CDH7: variants seen among roughly 807,000 people sequenced by gnomAD.
CDH7 encodes the protein cadherin-7.
Under a neutral mutation model 71.8 loss-of-function variants are expected in CDH7, and 25 were observed. The observed-to-expected ratio is 0.35, with a 90% confidence interval of 0.25 to 0.49. The LOEUF (loss-of-function observed/expected upper bound fraction) is 0.49, where lower values mean the gene tolerates loss of function less well. Among genes scored for constraint, CDH7 ranks in the 20% least tolerant of loss-of-function variants. CDH7 has a pLI of 0.99. For synonymous variants in CDH7, 381 were observed against 363.8 expected (o/e 1.05, Z -0.54); for missense variants, 862 against 974.6 (o/e 0.88, Z 1.54).
chr18:65,839,741 G>T (rs181347064), intron 6 of CDH7, among the ~76,000 whole-genome samples: 1 of 152,174 alleles, frequency 6.6e-6, no homozygotes, highest in Non-Finnish European at 1.5e-5. Flanking sequence ...AGTTGTGTGA[G>T]AAAGAAATGC....
intron 4 of CDH7, among the ~76,000 whole-genome samples, chr18:65,819,277 T>C (rs562239804): frequency 6.6e-6 from 1 of 152,166 alleles, no homozygotes; most frequent in African/African-American, 2.4e-5. Flanking sequence ...GTAATTGAAA[T>C]TGGGTTTACG....
In CDH7 at chr18:65,883,525, G is replaced by A. The variant is rs941477658; in HGVS notation, c.*2631G>A. On this transcript the variant is annotated 3_prime_UTR_variant, in exon 12 of 12. Coordinates refer to ENST00000397968, the MANE Select transcript of CDH7 (RefSeq NM_004361.5). Reference sequence around the variant, plus strand: ...GATTTAAATAAATATATATTATCAAGTTGCTTAAATTCAGTATTATACTGA... The same window carrying A: ...GATTTAAATAAATATATATTATCAAATTGCTTAAATTCAGTATTATACTGA... 6.6e-6 allele frequency: 1 copy of A among 151,984 alleles called. No homozygotes were observed. Among genetic ancestry groups the A allele is most frequent in the African/African-American group, 2.4e-5 (1 of 41,442 alleles). 9.4% of individuals were successfully genotyped at this position (151,984 alleles called of 1,614,324 possible). A position where few individuals can be genotyped will look rare whatever the true frequency, so the allele number is the denominator to read the frequency against.
Position 65,781,767 on chromosome 18 carries a change from TTTCCTTCC to T in CDH7, c.210+18763_210+18770del, listed in dbSNP as rs1189209857. Among the ~76,000 whole-genome samples, 62 of 75,342 alleles carry T rather than the reference TTTCCTTCC, an allele frequency of 8.2e-4. 1 individual carries two copies. Among genetic ancestry groups the T allele is most frequent in the African/African-American group, 9.3e-4 (16 of 17,234 alleles). 49.4% of individuals were successfully genotyped at this position (75,342 alleles called of 152,430 possible). A position where few individuals can be genotyped will look rare whatever the true frequency, so the allele number is the denominator to read the frequency against. On this transcript the variant is annotated intron_variant, in intron 2 of 11. Coordinates refer to ENST00000397968, the MANE Select transcript of CDH7 (RefSeq NM_004361.5). Reference sequence around the variant, plus strand: ...ATTGGTTGATTTCTTTCTTTCTTTCTTTCCTTCCTTCCTTCCTTCCTTCCTTCCTTCCT... The same window carrying T: ...ATTGGTTGATTTCTTTCTTTCTTTCTTTCCTTCCTTCCTTCCTTCCTTCCT...
rs1257266499 is a variant in CDH7, at chr18:65,888,688, T to C, written c.*7794T>C. 2.0e-5 allele frequency: 3 copies of C among 152,074 alleles called. No individual in the cohort carries two copies. Among genetic ancestry groups the C allele is most frequent in the African/African-American group, 7.2e-5 (3 of 41,388 alleles). The allele number at this position is 152,074 out of a possible 1,614,324, so 9.4% of individuals were successfully genotyped here. On this transcript the variant is annotated 3_prime_UTR_variant, in exon 12 of 12. Coordinates refer to ENST00000397968, the MANE Select transcript of CDH7 (RefSeq NM_004361.5). The stretch of plus-strand genomic sequence containing the variant: ...TCTGTGAATCACTCAAGTTAGGCAT[T>C]GTTAGGTTTTTTAAGGAAAAACTTT...
At chr18:65,850,516 G>A (rs1012552310) in intron 7 of CDH7, among the ~76,000 whole-genome samples, 2 of 151,694 alleles carry the variant, frequency 1.3e-5, no homozygotes, top group African/African-American at 4.8e-5. Flanking sequence ...CGTGGCAACT[G>A]TGATGAATCA....
At chr18:65,800,947 A>T (rs1911099552) in intron 2 of CDH7, among the ~76,000 whole-genome samples, 1 of 152,126 alleles carries the variant, frequency 6.6e-6, no homozygotes, top group South Asian at 2.1e-4. Context: ...CCCAACTTAA[A>T]TATCATTTCT....
chr18:65,825,993 T>A (rs1182462703), intron 6 of CDH7, among the ~76,000 whole-genome samples: 1 of 151,758 alleles, frequency 6.6e-6, no homozygotes, highest in East Asian at 1.9e-4. Flanking sequence ...TGAAAGTTTT[T>A]ATTGAACAAA....
chr18:65,872,222 G>T (rs1913949000), intron 11 of CDH7, among the ~76,000 whole-genome samples: 1 of 152,158 alleles, frequency 6.6e-6, no homozygotes, highest in Non-Finnish European at 1.5e-5. Context: ...AAAAAAAAGG[G>T]CCACAAAGTG....
chr18:65,792,045 A>G (rs79059070), intron 2 of CDH7, among the ~76,000 whole-genome samples: 1,653 of 152,274 alleles, frequency 0.011, 25 homozygotes, highest in African/African-American at 0.037. Context: ...TTTGAAAACT[A>G]CATTAACTAT....
intron 7 of CDH7, among the ~76,000 whole-genome samples, chr18:65,853,776 G>A (rs541360880): frequency 1.5e-4 from 23 of 150,804 alleles, no homozygotes; most frequent in Non-Finnish European, 2.5e-4. Context: ...TATTATTTTC[G>A]TTGCAATAAA....
chr18:65,863,081 A>G, intron 11 of CDH7, 164 bp downstream of exon 11: 1 of 734,780 alleles, frequency 1.4e-6, no homozygotes, highest in Non-Finnish European at 2.2e-6. Flanking sequence ...TCTGTTGCCC[A>G]GGCTGGAGTG....
chr18:65,868,481 T>C (rs1486214979), intron 11 of CDH7, among the ~76,000 whole-genome samples: 2 of 152,184 alleles, frequency 1.3e-5, no homozygotes, highest in Non-Finnish European at 2.9e-5. Flanking sequence ...TCCATATATG[T>C]TTCCCCACGT....
At chr18:65,794,056 C>G (rs905490898) in intron 2 of CDH7, among the ~76,000 whole-genome samples, 3 of 152,014 alleles carry the variant, frequency 2.0e-5, no homozygotes, top group Non-Finnish European at 4.4e-5. Flanking sequence ...AAGTAGGAGA[C>G]AAGAATCAGA....
Position 65,796,900 on chromosome 18 carries a change from CA to C in CDH7, c.211-12801del, listed in dbSNP as rs1910937333. Among the ~76,000 whole-genome samples, 12 of 152,216 alleles carry C rather than the reference CA, an allele frequency of 7.9e-5. No individual in the cohort carries two copies. In the South Asian group the frequency reaches 2.5e-3, roughly 32 times the overall value. ...CATTTGGGCAGAAGGAGTGAAGAGT[CA>C]AACTGTGAAATAAATGTAGCCGTTA... On this transcript the variant is annotated intron_variant, in intron 2 of 11. Transcript: ENST00000397968.
Position 65,858,932 on chromosome 18 carries a change from A to G in CDH7, c.1380A>G (p.Pro460=), listed in dbSNP as rs1251977548. The G allele has an allele frequency of 2.5e-6, 4 of 1,612,088 alleles. No homozygotes were observed. Among genetic ancestry groups the G allele is most frequent in the Non-Finnish European group, 2.5e-6 (3 of 1,178,316 alleles). The change falls in exon 9 of 12, where the codon CCA becomes CCG. Residue 460 remains proline, a synonymous_variant. Transcript: ENST00000397968. ...CACTGTCTTATTTATTAGAGAATCCATCTCAAGTAGGAAGAGGCTATGTGG... is the reference window on the plus strand; with the variant it reads ...CACTGTCTTATTTATTAGAGAATCCGTCTCAAGTAGGAAGAGGCTATGTGG... ...ITVLAMESQN[P]SQVGRGYVAI...
intron 3 of CDH7, among the ~76,000 whole-genome samples, chr18:65,811,876 T>G (rs1366705100): frequency 6.6e-6 from 1 of 151,994 alleles, no homozygotes; most frequent in African/African-American, 2.4e-5. Context: ...TTATGCACAC[T>G]TGAATAATGT....
chr18:65,790,515 GA>G (rs1250397776), intron 2 of CDH7, among the ~76,000 whole-genome samples: 1 of 151,944 alleles, frequency 6.6e-6, no homozygotes, highest in Non-Finnish European at 1.5e-5. Context: ...AAGTAGTCAG[GA>G]ATACTATTTT....
At chr18:65,805,494 T>C (rs552479479) in intron 2 of CDH7, among the ~76,000 whole-genome samples, 2 of 152,292 alleles carry the variant, frequency 1.3e-5, no homozygotes, top group Non-Finnish European at 2.9e-5. Context: ...TTAAATATAT[T>C]TGGTGAGCAT....
intron 10 of CDH7, among the ~76,000 whole-genome samples, chr18:65,862,256 A>G (rs1379307553): frequency 6.6e-6 from 1 of 152,156 alleles, no homozygotes. Context: ...GAAAGGATAG[A>G]CTGAAAATTT....
Sources: gnomAD v4.1 joint callset for allele counts (sites outside exome capture counted in the v4.1 genomes callset) on GRCh38, gnomAD v4.1.1 for gene constraint, MANE v1.5 for transcripts, NCBI Gene and HGNC (gene_info 2026-07-23, HGNC 2026-07-21) for gene names.